CD9: variants seen among roughly 807,000 people sequenced by gnomAD.
The protein encoded by CD9 is CD9 antigen.
A neutral mutation model predicts 31.4 loss-of-function variants in CD9; 10 were observed. The observed-to-expected ratio is 0.32, with a 90% confidence interval of 0.20 to 0.54. The LOEUF (loss-of-function observed/expected upper bound fraction) is 0.54, where lower values mean the gene tolerates loss of function less well. Among genes scored for constraint, CD9 ranks in the 20% least tolerant of loss-of-function variants. The pLI, the probability that CD9 is intolerant of heterozygous loss-of-function variation, is 0.94. For missense variants in CD9, 259 were observed against 300.1 expected, an observed-to-expected ratio of 0.86 and a Z score of 1.01; for synonymous variants, 113 against 114.1, an observed-to-expected ratio of 0.99 and a Z score of 0.06.
intron 4 of CD9, chr12:6,234,510 A>C (rs2136638859): frequency 6.6e-6 from 1 of 152,256 alleles, no homozygotes; most frequent in South Asian, 2.1e-4. Context: ...AATAACAGCT[A>C]CAGCCATAGA....
chr12:6,230,903 G>C (rs972556904), intron 2 of CD9, among the ~76,000 whole-genome samples: 3 of 152,246 alleles, frequency 2.0e-5, no homozygotes, highest in African/African-American at 7.2e-5. Flanking sequence ...ATGTGGGGGA[G>C]AAGGGGGAGG....
chr12:6,202,301 T>C (rs1946086529), intron 1 of CD9, among the ~76,000 whole-genome samples: 1 of 151,994 alleles, frequency 6.6e-6, no homozygotes, highest in Admixed American at 6.5e-5. Flanking sequence ...TGGGCACCCC[T>C]CCTCCTGTGT....
chr12:6,218,227 C>CAA (rs145352724), intron 1 of CD9, among the ~76,000 whole-genome samples: 112 of 145,022 alleles, frequency 7.7e-4, no homozygotes, highest in Admixed American at 3.7e-3. Flanking sequence ...GACCCTGTCT[C>CAA]AAAAAAAAAA....
intron 2 of CD9, among the ~76,000 whole-genome samples, chr12:6,226,716 G>A (rs1488779420): frequency 2.6e-5 from 4 of 152,168 alleles, no homozygotes; most frequent in South Asian, 2.1e-4. Context: ...GAAAGAAAGT[G>A]AGAGAAAGCA....
intron 2 of CD9, among the ~76,000 whole-genome samples, chr12:6,229,658 G>A (rs1328198240): frequency 2.0e-5 from 3 of 152,164 alleles, no homozygotes; most frequent in African/African-American, 2.4e-5. Context: ...ACAAACGGGC[G>A]TGGTGAGTGC....
chr12:6,236,302 G>A (rs573729041), intron 7 of CD9, 27 bp downstream of exon 7: 3 of 1,597,394 alleles, frequency 1.9e-6, no homozygotes, highest in South Asian at 1.1e-5. Context: ...CGTCCCAGGA[G>A]GGGGACTGAG....
At chr12:6,211,037 C>T (rs548429293) in intron 1 of CD9, among the ~76,000 whole-genome samples, 1 of 152,080 alleles carries the variant, frequency 6.6e-6, no homozygotes, top group East Asian at 1.9e-4. Context: ...GGGGTTTCAC[C>T]ATGTTGGCCA....
In CD9 at chr12:6,235,324, T is replaced by C. The variant is rs1946503155; in HGVS notation, c.444T>C (p.Tyr148=). ...PQRETLKAIH[Y]ALNCCGLAGG... ...GGGAAACGCTGAAAGCCATCCACTA[T>C]GCGGTATGTCGCCTTGGCAAAGACA... The change falls in exon 5 of 8, where the codon TAT becomes TAC. Residue 148 remains tyrosine (Y), a synonymous_variant. Transcript: ENST00000009180. 6.2e-7 allele frequency: 1 copy of C among 1,614,270 alleles called. No individual in the cohort carries two copies. The highest frequency in any genetic ancestry group is 1.1e-5 in the South Asian group (1 of 91,092).
At chr12:6,228,669 T>C (rs1016385659) in intron 2 of CD9, among the ~76,000 whole-genome samples, 1 of 152,076 alleles carries the variant, frequency 6.6e-6, no homozygotes, top group South Asian at 2.1e-4. Context: ...TTGTCGTCCA[T>C]GGGCAAAGGG....
At chr12:6,221,663 A>G (rs979256539) in intron 1 of CD9, among the ~76,000 whole-genome samples, 2 of 151,714 alleles carry the variant, frequency 1.3e-5, no homozygotes, top group African/African-American at 4.8e-5. Flanking sequence ...GGCCCCTCCC[A>G]TTTAGTTTCT....
rs1946543386 is a variant in CD9, at chr12:6,238,065, C to G, written c.*237C>G. ...TGGTTTGCTTTGGTTTATATTTTTT[C>G]AGTTGTTTGTTTTTGCTTGTTATAT... On this transcript the variant is annotated 3_prime_UTR_variant, in exon 8 of 8. Coordinates refer to ENST00000009180, the MANE Select transcript of CD9 (RefSeq NM_001769.4). 1 of 409,056 alleles carries G rather than the reference C, an allele frequency of 2.4e-6. No homozygotes were observed. Among genetic ancestry groups the G allele is most frequent in the African/African-American group, 2.1e-5 (1 of 48,550 alleles). 25.3% of individuals were successfully genotyped at this position (409,056 alleles called of 1,614,324 possible).
intron 6 of CD9, 89 bp from the exon 7 acceptor site, chr12:6,236,103 C>G (rs780412767): frequency 8.3e-6 from 13 of 1,569,700 alleles, no homozygotes; most frequent in Middle Eastern, 1.7e-4. Flanking sequence ...CCCACCAGTT[C>G]TCCCGGGTGA....
At chr12:6,206,570 C>G (rs573871029) in intron 1 of CD9, among the ~76,000 whole-genome samples, 1 of 152,162 alleles carries the variant, frequency 6.6e-6, no homozygotes, top group African/African-American at 2.4e-5. Context: ...AGATTACTTG[C>G]CTGTTTTATT....
intron 1 of CD9, among the ~76,000 whole-genome samples, chr12:6,204,617 C>T (rs968202538): frequency 2.0e-5 from 3 of 152,196 alleles, no homozygotes; most frequent in Non-Finnish European, 4.4e-5. Flanking sequence ...AAGCACCAGT[C>T]CTGGGTTCCA....
intron 3 of CD9, 146 bp from the exon 4 acceptor site, chr12:6,233,266 T>C (rs576274212): frequency 4.5e-6 from 3 of 664,052 alleles, no homozygotes; most frequent in South Asian, 1.8e-5. Context: ...TGTGAACTTC[T>C]TCCCTGCCCC....
chr12:6,225,434 G>A lies in CD9; in HGVS notation c.75G>A (p.Gly25=). ...TCCTGTATGTCTTGCAGCTTGCCGGGATTGCTGTCCTTGCCATTGGACTAT... is the reference window on the plus strand; with the variant it reads ...TCCTGTATGTCTTGCAGCTTGCCGGAATTGCTGTCCTTGCCATTGGACTAT... ...FGFNFIFWLA[G]IAVLAIGLWL... Residue 25 remains glycine, a synonymous_variant, in exon 2 of 8, where the codon GGG becomes GGA. Coordinates refer to ENST00000009180, the MANE Select transcript of CD9 (RefSeq NM_001769.4). 9 of 1,612,132 alleles carry A rather than the reference G, an allele frequency of 5.6e-6. No individual in the cohort carries two copies. Among genetic ancestry groups the A allele is most frequent in the Non-Finnish European group, 7.6e-6 (9 of 1,178,176 alleles).
intron 3 of CD9, 59 bp from the exon 4 acceptor site, chr12:6,233,353 T>C (rs887347602): frequency 3.1e-6 from 4 of 1,305,662 alleles, no homozygotes; most frequent in African/African-American, 1.5e-5. Flanking sequence ...AAATACCCTT[T>C]GATTTTCCTG....
chr12:6,233,823 C>A (rs997060499), intron 4 of CD9, among the ~76,000 whole-genome samples: 3 of 151,716 alleles, frequency 2.0e-5, no homozygotes, highest in Admixed American at 1.3e-4. Flanking sequence ...GAAATACAGG[C>A]TTTCTGTGGG....
intron 1 of CD9, among the ~76,000 whole-genome samples, chr12:6,206,239 C>T (rs925385747): frequency 2.0e-5 from 3 of 149,504 alleles, no homozygotes; most frequent in East Asian, 1.9e-4. Flanking sequence ...TTTTTGGAGA[C>T]GGTGCTCACT....
Sources: allele counts gnomAD v4.1 joint callset (sites outside exome capture counted in the v4.1 genomes callset), GRCh38; gene constraint gnomAD v4.1.1; transcripts MANE v1.5; gene names NCBI Gene and HGNC (gene_info 2026-07-23, HGNC 2026-07-21).